Variants in DCAF1 observed in about 807,000 individuals in gnomAD.
The protein encoded by DCAF1 is DDB1 and CUL4 associated factor 1, also known as DDB1- and CUL4-associated factor 1.
DCAF1 carries 15 observed loss-of-function variants against 128.0 expected under a neutral mutation model. The observed-to-expected ratio is 0.12, with a 90% CI of 0.08 to 0.18. The LOEUF (loss-of-function observed/expected upper bound fraction) is 0.18, where lower values mean the gene tolerates loss of function less well. Ranked by LOEUF, DCAF1 falls within the 10% of genes least tolerant of loss-of-function variation. The pLI is 1.00. For missense variants in DCAF1, 988 were observed against 1,649.5 expected, an observed-to-expected ratio of 0.60 and a Z score of 6.95; for synonymous variants, 610 against 603.0, an observed-to-expected ratio of 1.01 and a Z score of -0.17.
intron 9 of DCAF1, among the ~76,000 whole-genome samples, chr3:51,437,823 C>T (rs1187365196): frequency 6.6e-6 from 1 of 150,870 alleles, no homozygotes; most frequent in African/African-American, 2.4e-5. Flanking sequence ...CTCAAAAAAA[C>T]AATAAATAAA....
rs114309845 is a variant in DCAF1 at position 51,498,547 on chromosome 3, T to A, written c.-56+1326A>T. ...GAGTTCAAAACCAGCCTGGGCAACA[T>A]ACTGAGACCACTGTCTCTATAAAAA... On this transcript the variant is annotated intron_variant, in intron 1 of 24. Transcript: ENST00000684031. Among the ~76,000 whole-genome samples, 224 of 152,072 alleles carry A rather than the reference T, an allele frequency of 1.5e-3. 1 individual carries two copies. The highest frequency in any genetic ancestry group is 5.1e-3 in the African/African-American group (213 of 41,494).
At chr3:51,483,426 CA>C (rs1426873409) in intron 3 of DCAF1, among the ~76,000 whole-genome samples, 4 of 144,332 alleles carry the variant, frequency 2.8e-5, no homozygotes, top group African/African-American at 1.0e-4. Flanking sequence ...GGCAACAAAG[CA>C]AAACTCTGAC....
At chr3:51,423,220 G>A (rs1372417381) in intron 13 of DCAF1, among the ~76,000 whole-genome samples, 2 of 152,218 alleles carry the variant, frequency 1.3e-5, no homozygotes, top group African/African-American at 4.8e-5. Context: ...AGGGCCAGGC[G>A]TGGTCTCATG....
At chr3:51,465,220 TATAAGA>T (rs1473959343) in intron 5 of DCAF1, among the ~76,000 whole-genome samples, 1 of 152,132 alleles carries the variant, frequency 6.6e-6, no homozygotes, top group Non-Finnish European at 1.5e-5. Flanking sequence ...AAGTTCACTG[TATAAGA>T]GAGCTTGGAG....
At chr3:51,493,768 C>T (rs1369291696) in intron 2 of DCAF1, among the ~76,000 whole-genome samples, 2 of 151,988 alleles carry the variant, frequency 1.3e-5, no homozygotes, top group African/African-American at 2.4e-5. Context: ...GAGGCCAAGG[C>T]GGGTGGATCA....
At chr3:51,463,030 CAAT>C (rs1703772729) in intron 6 of DCAF1, 81 bp downstream of exon 6, 5 of 866,952 alleles carry the variant, frequency 5.8e-6, no homozygotes, top group Non-Finnish European at 8.3e-6. Context: ...AAAACTGTAA[CAAT>C]GATTTTAACC....
At chr3:51,465,843 A>T (rs1553646267) in intron 5 of DCAF1, among the ~76,000 whole-genome samples, 1 of 152,170 alleles carries the variant, frequency 6.6e-6, no homozygotes, top group Admixed American at 6.6e-5. Flanking sequence ...TTCATGCTTA[A>T]TTTCATTCAA....
intron 6 of DCAF1, among the ~76,000 whole-genome samples, chr3:51,459,382 C>T (rs1216182048): frequency 6.6e-6 from 1 of 152,140 alleles, no homozygotes; most frequent in African/African-American, 2.4e-5. Flanking sequence ...CTGAACAGAC[C>T]AATAACAGGC....
intron 3 of DCAF1, among the ~76,000 whole-genome samples, chr3:51,472,482 C>T (rs1164430249): frequency 6.6e-6 from 1 of 151,856 alleles, no homozygotes; most frequent in Non-Finnish European, 1.5e-5. Flanking sequence ...AAACTCTTGG[C>T]CTCAAGCAAT....
intron 9 of DCAF1, chr3:51,440,055 A>T: frequency 2.5e-6 from 1 of 396,004 alleles, no homozygotes; most frequent in Middle Eastern, 3.8e-4. Context: ...AGTAGGGCAT[A>T]AGCAAGCACT....
chr3:51,395,996 C>A (rs1230796971), downstream of DCAF1: 1 of 413,046 alleles, frequency 2.4e-6, no homozygotes, highest in Non-Finnish European at 4.4e-6. Context: ...GTAGCTGGTA[C>A]CGCCAGAAAC....
downstream of DCAF1, chr3:51,397,649 G>A (rs949780932): frequency 1.8e-5 from 3 of 166,856 alleles, no homozygotes; most frequent in Admixed American, 6.6e-5. Flanking sequence ...ACAAAAACAG[G>A]CCCTCCCCAT....
chr3:51,452,930 C>T (rs1235750115), intron 6 of DCAF1, among the ~76,000 whole-genome samples: 2 of 151,378 alleles, frequency 1.3e-5, no homozygotes, highest in Non-Finnish European at 2.9e-5. Flanking sequence ...CAGGAGAAAT[C>T]ACTTGAACCC....
intron 7 of DCAF1, 94 bp downstream of exon 7, chr3:51,443,672 T>C (rs1164172869): frequency 6.2e-6 from 7 of 1,135,068 alleles, no homozygotes; most frequent in African/African-American, 1.6e-5. Flanking sequence ...CAGTACAAGA[T>C]AATCAATATG....
intron 23 of DCAF1, among the ~76,000 whole-genome samples, chr3:51,403,890 T>C (rs575883950): frequency 1.4e-4 from 21 of 152,362 alleles, no homozygotes; most frequent in African/African-American, 4.8e-4. Context: ...CTCCTAACTA[T>C]GCTATCACAA....
intron 6 of DCAF1, among the ~76,000 whole-genome samples, chr3:51,453,863 G>A (rs148458794): frequency 0.035 from 5,258 of 151,694 alleles, 142 homozygotes; most frequent in Non-Finnish European, 0.055. Context: ...TGAAGCAGGA[G>A]AATTGCTTGA....
chr3:51,403,030 A>T, intron 24 of DCAF1, 113 bp downstream of exon 24: 1 of 1,464,654 alleles, frequency 6.8e-7, no homozygotes, highest in African/African-American at 1.4e-5. Flanking sequence ...GTAGTGAATC[A>T]AATTATGGGG....
intron 20 of DCAF1, 146 bp downstream of exon 20, chr3:51,413,800 CCATT>C: frequency 9.5e-7 from 1 of 1,050,942 alleles, no homozygotes. Flanking sequence ...TCTTTTGTCA[CCATT>C]CATACTATCA....
chr3:51,414,532 T>TTAA, intron 19 of DCAF1, 92 bp downstream of exon 19: 1 of 1,517,670 alleles, frequency 6.6e-7, no homozygotes, highest in Non-Finnish European at 8.9e-7. Flanking sequence ...TGTGGACACT[T>TTAA]TAACCAGGTA....
Sources: gnomAD v4.1 joint callset for allele counts (sites outside exome capture counted in the v4.1 genomes callset) on GRCh38, gnomAD v4.1.1 for gene constraint, MANE v1.5 for transcripts, NCBI Gene and HGNC (gene_info 2026-07-23, HGNC 2026-07-21) for gene names.